Variants in PCDHGA4 observed in about 807,000 individuals in gnomAD.
The protein encoded by PCDHGA4 is protocadherin gamma-A4.
Under a neutral mutation model 54.6 loss-of-function variants are expected in PCDHGA4, and 38 were observed. The ratio of observed to expected loss-of-function variants is 0.70; its 90% confidence interval spans 0.54 to 0.91. PCDHGA4 has a LOEUF of 0.91. Ranked by LOEUF, PCDHGA4 falls within the 40% of genes least tolerant of loss-of-function variation. The probability of loss-of-function intolerance (pLI) is 0.00; values close to 1 mark genes in which losing one functional copy is unlikely to be tolerated. For missense variants in PCDHGA4, 1,298 were observed against 1,220.9 expected (o/e 1.06, Z -0.94); for synonymous variants, 511 against 512.9 (o/e 1.00, Z 0.05).
At chr5:141,394,611 C>A (rs774009952) in intron 1 of PCDHGA4, 1 of 1,613,420 alleles carries the variant, frequency 6.2e-7, no homozygotes, top group Non-Finnish European at 8.5e-7. Flanking sequence ...AGACTCGGGC[C>A]AGAACGCCTG....
chr5:141,387,949 T>C lies in PCDHGA4; in HGVS notation c.2514+30328T>C, dbSNP rs1016295879. The C allele has an allele frequency of 1.6e-5, 24 of 1,491,992 alleles. No individual in the cohort carries two copies. Among genetic ancestry groups the C allele is most frequent in the Non-Finnish European group, 2.1e-5 (23 of 1,116,382 alleles). 92.4% of individuals were successfully genotyped at this position (1,491,992 alleles called of 1,614,324 possible). On this transcript the variant is annotated intron_variant, in intron 1 of 3. Transcript: ENST00000571252. ...CTGCCAGTGCTCTTTCTCTTCCTGC[T>C]GTCTTTGTTCTGCCCGGCGCTCTGT...
intron 1 of PCDHGA4, chr5:141,382,795 T>A: frequency 1.0e-6 from 1 of 982,614 alleles, no homozygotes; most frequent in Non-Finnish European, 1.5e-6. Context: ...TCTATCCTGC[T>A]GGATTCTGAG....
intron 1 of PCDHGA4, chr5:141,393,519 A>G: frequency 6.2e-7 from 1 of 1,614,036 alleles, no homozygotes; most frequent in African/African-American, 1.3e-5. Flanking sequence ...GTTGGATACA[A>G]ATGACAATGC....
chr5:141,485,625 G>C lies in PCDHGA4; in HGVS notation c.2515-9182G>C. On this transcript the variant is annotated intron_variant, in intron 1 of 3. Transcript: ENST00000571252. This position sits in a 1 kb window ranked among gnomAD's most constrained non-coding sequence, Gnocchi z 5.7. ...GGGGAGGCAGCTCCTCCAGGACAGC[G>C]TTTCCCGTTGGAAAAGGCTCAGGAT... The C allele has an allele frequency of 6.2e-7, 1 of 1,611,968 alleles. No individual in the cohort carries two copies. Among genetic ancestry groups the C allele is most frequent in the Non-Finnish European group, 8.5e-7 (1 of 1,178,504 alleles).
intron 1 of PCDHGA4, among the ~76,000 whole-genome samples, chr5:141,368,592 A>G (rs1277512291): frequency 6.6e-6 from 1 of 152,198 alleles, no homozygotes; most frequent in Non-Finnish European, 1.5e-5. Context: ...TGTTTGGGAA[A>G]AAAGTAAAGG....
intron 2 of PCDHGA4, among the ~76,000 whole-genome samples, chr5:141,499,445 C>A (rs904360147): frequency 1.3e-5 from 2 of 152,062 alleles, no homozygotes; most frequent in African/African-American, 4.8e-5. Flanking sequence ...AAAGGAAAAC[C>A]ACCCATCATT....
Position 141,427,920 on chromosome 5 carries a change from C to T in PCDHGA4, c.2515-66887C>T, listed in dbSNP as rs552823212. The T allele has an allele frequency of 3.8e-6, 6 of 1,579,506 alleles. No homozygotes were observed. In the African/African-American group the frequency reaches 4.0e-5, roughly 11 times the overall value. On this transcript the variant is annotated intron_variant, in intron 1 of 3. Transcript: ENST00000571252. The stretch of plus-strand genomic sequence containing the variant: ...GCCCGCGCTCAGCGCCAACATGAGC[C>T]GGCGCATGTTGGTGGGCGACCTCAA...
At chr5:141,419,584 C>T in intron 1 of PCDHGA4, 1 of 1,611,798 alleles carries the variant, frequency 6.2e-7, no homozygotes, top group Non-Finnish European at 8.5e-7. Context: ...CCGCGCTCTT[C>T]GACACAGTGC....
chr5:141,443,849 T>A (rs1233479391), intron 1 of PCDHGA4, among the ~76,000 whole-genome samples: 2 of 152,136 alleles, frequency 1.3e-5, no homozygotes, highest in Admixed American at 1.3e-4. Flanking sequence ...ATATGGAAAG[T>A]CTGAAAACTG....
chr5:141,366,863 C>T, intron 1 of PCDHGA4: 2 of 1,430,882 alleles, frequency 1.4e-6, no homozygotes, highest in African/African-American at 1.4e-5. Flanking sequence ...ACATTATTTG[C>T]TGTATTGGAG....
Position 141,386,707 on chromosome 5 carries a change from T to C in PCDHGA4, c.2514+29086T>C, listed in dbSNP as rs577728957. Among the ~76,000 whole-genome samples, 44 of 152,320 alleles carry C rather than the reference T, an allele frequency of 2.9e-4. No homozygotes were observed. The South Asian group carries it at 9.1e-3, about 32-fold the overall frequency. On this transcript the variant is annotated intron_variant, in intron 1 of 3. Transcript: ENST00000571252. ...AATCACTTGGGGTAGAAGACAATGT[T>C]GCTGACACCAACAATGTTACTGAGG... is the stretch of plus-strand genomic sequence containing the variant.
rs1211398299 is a variant in PCDHGA4 at position 141,420,143 on chromosome 5, A to G, written c.2514+62522A>G. The G allele has an allele frequency of 1.2e-6, 2 of 1,614,052 alleles. No homozygotes were observed. The highest frequency in any genetic ancestry group is 2.2e-5 in the East Asian group (1 of 44,888). On this transcript the variant is annotated intron_variant, in intron 1 of 3. Transcript: ENST00000571252. The stretch of plus-strand genomic sequence containing the variant: ...TTTTTGTGTGCCTGGGGATCAAATG[A>G]ATCCAGAATTTAATTTTTTCACATC...
At chr5:141,401,610 A>AC (rs1186420148) in intron 1 of PCDHGA4, among the ~76,000 whole-genome samples, 1 of 152,212 alleles carries the variant, frequency 6.6e-6, no homozygotes, top group Non-Finnish European at 1.5e-5. Flanking sequence ...GGAAAAAGAC[A>AC]CCGGATTTGT....
At chr5:141,395,345 A>G in intron 1 of PCDHGA4, 1 of 1,399,052 alleles carries the variant, frequency 7.1e-7, no homozygotes, top group South Asian at 1.5e-5. Flanking sequence ...TTTAAGGTGT[A>G]TCACAGAGTT....
chr5:141,423,880 G>C, intron 1 of PCDHGA4: 1 of 1,282,292 alleles, frequency 7.8e-7, no homozygotes, highest in Non-Finnish European at 9.9e-7. Context: ...TTTCAATCTT[G>C]GCATATTTTC....
intron 1 of PCDHGA4, chr5:141,372,290 G>A (rs1437600694): frequency 1.9e-6 from 3 of 1,613,282 alleles, no homozygotes; most frequent in Non-Finnish European, 2.5e-6. Context: ...CGCGTACCTT[G>A]GGCGACAGGG....
intron 1 of PCDHGA4, chr5:141,413,943 T>A: frequency 1.2e-6 from 2 of 1,613,420 alleles, no homozygotes; most frequent in Non-Finnish European, 1.7e-6. Context: ...TGAGTGTTCC[T>A]GAGAATTTGC....
intron 1 of PCDHGA4, chr5:141,427,316 C>G: frequency 2.2e-6 from 1 of 457,002 alleles, no homozygotes; most frequent in Non-Finnish European, 4.4e-6. Context: ...ATGCCCCAGA[C>G]GTGGTTTTTA....
intron 3 of PCDHGA4, among the ~76,000 whole-genome samples, chr5:141,506,202 G>A (rs911181875): frequency 6.6e-6 from 1 of 152,184 alleles, no homozygotes; most frequent in Non-Finnish European, 1.5e-5. Context: ...TGTAATCCCA[G>A]CACTTTGGGA....
Sources: gnomAD v4.1 joint callset for allele counts (sites outside exome capture counted in the v4.1 genomes callset) on GRCh38, gnomAD v4.1.1 for gene constraint, Gnocchi (gnomAD v3.1) non-coding constraint, MANE v1.5 for transcripts, NCBI Gene and HGNC (gene_info 2026-07-23, HGNC 2026-07-21) for gene names.